Variants in ARHGAP19 observed in about 807,000 individuals in gnomAD.
ARHGAP19 encodes rho GTPase-activating protein 19.
Under a neutral mutation model 60.9 loss-of-function variants are expected in ARHGAP19, and 48 were observed. That is an observed-to-expected ratio of 0.79 (90% CI 0.62 to 1.00). The LOEUF (loss-of-function observed/expected upper bound fraction) is 1.00. Ranked by LOEUF, ARHGAP19 falls within the 50% of genes least tolerant of loss-of-function variation. The probability of loss-of-function intolerance (pLI) is 0.00; values close to 1 mark genes in which losing one functional copy is unlikely to be tolerated. For synonymous variants in ARHGAP19, 209 were observed against 215.5 expected, an observed-to-expected ratio of 0.97 and a Z score of 0.27; for missense variants, 562 against 597.2, an observed-to-expected ratio of 0.94 and a Z score of 0.61.
At position 97,259,387 on chromosome 10, in the gene ARHGAP19, C is replaced by T. The variant is rs3740522; in HGVS notation, c.840+15G>A. The T allele has an allele frequency of 0.58, 926,109 of 1,597,670 alleles. 274,814 individuals carry two copies. Among genetic ancestry groups the T allele is most frequent in the East Asian group, 0.7 (31,458 of 44,808 alleles). ...AGAAAACCAAGCAATCTTTACTCTT[C>T]CCGTCAACACTCACATTTTTTGGCC... On this transcript the variant is annotated intron_variant, in intron 5 of 11. Transcript: ENST00000358531.
rs1842439942 is a variant in ARHGAP19, at chr10:97,239,550, GGGTGTGTGTGTGTGTGTGTGT to G, written c.1186-4256_1186-4236del. Among the ~76,000 whole-genome samples, 99 of 115,010 alleles carry G rather than the reference GGGTGTGTGTGTGTGTGTGTGT, an allele frequency of 8.6e-4. 1 individual carries two copies. Among genetic ancestry groups the G allele is most frequent in the Middle Eastern group, 8.7e-3 (2 of 230 alleles). The allele number at this position is 115,010 out of a possible 152,430, so 75.5% of individuals were successfully genotyped here. A position where few individuals can be genotyped will look rare whatever the true frequency, so the allele number is the denominator to read the frequency against. On this transcript the variant is annotated intron_variant, in intron 8 of 11. Transcript: ENST00000358531. ...AAAGGGAGTGAGAGAGAGAGAGAGAGGGTGTGTGTGTGTGTGTGTGTGTGTGTGTGTGTGTGTGTGTGTGTG... is the reference window on the plus strand; with the variant it reads ...AAAGGGAGTGAGAGAGAGAGAGAGAGGTGTGTGTGTGTGTGTGTGTGTGTG...
chr10:97,279,609 C>T (rs1008767598), intron 1 of ARHGAP19, among the ~76,000 whole-genome samples: 2 of 152,124 alleles, frequency 1.3e-5, no homozygotes, highest in African/African-American at 4.8e-5. Context: ...TCCCCCACCT[C>T]GTCCTCCCAA....
intron 8 of ARHGAP19, among the ~76,000 whole-genome samples, chr10:97,240,217 G>A (rs1050578680): frequency 1.3e-5 from 2 of 151,700 alleles, no homozygotes; most frequent in Non-Finnish European, 2.9e-5. Flanking sequence ...ATGCATATTC[G>A]TTTATCATGC....
At chr10:97,227,976 C>T (rs1208316863) in intron 11 of ARHGAP19, among the ~76,000 whole-genome samples, 1 of 152,112 alleles carries the variant, frequency 6.6e-6, no homozygotes, top group African/African-American at 2.4e-5. Flanking sequence ...GTAACTGATA[C>T]AAAACAATGT....
Position 97,264,849 on chromosome 10 carries a change from T to C in ARHGAP19, c.380A>G (p.Gln127Arg). ...LTEEGIAQIYQLIEYLHKNLR... is the reference protein window; with the variant it reads ...LTEEGIAQIYRLIEYLHKNLR... Reference sequence around the variant, plus strand: ...ACTTTTGTGTAGATACTCAATCAGTTGGTATATCTGGGCAATGCCTTCCTC... The same window carrying C: ...ACTTTTGTGTAGATACTCAATCAGTCGGTATATCTGGGCAATGCCTTCCTC... The change falls in exon 3 of 12, where the codon CAA becomes CGA. Residue 127 changes from glutamine (Q) to arginine (R), a missense_variant. Transcript: ENST00000358531. The C allele has an allele frequency of 6.2e-7, 1 of 1,612,800 alleles. No individual in the cohort carries two copies. The highest frequency in any genetic ancestry group is 8.5e-7 in the Non-Finnish European group (1 of 1,179,094).
In ARHGAP19 at chr10:97,263,501, T is replaced by C. The variant is rs148180144; in HGVS notation, c.532A>G (p.Thr178Ala). ...SGEFHSNDVA[T>A]LLKMFLGELP... ...TCTCCTAGAAACATCTTCAGCAAAG[T>C]GGCAACATCATTTGAGTGAAATTCC... The change falls in exon 4 of 12, where the codon ACT (threonine) becomes GCT (alanine). Residue 178 changes from threonine (T) to alanine (A), a missense_variant. Coordinates refer to ENST00000358531, the MANE Select transcript of ARHGAP19 (RefSeq NM_032900.6). 2 of 1,614,008 alleles carry C rather than the reference T, an allele frequency of 1.2e-6. No homozygotes were observed. The highest frequency in any genetic ancestry group is 2.7e-5 in the African/African-American group (2 of 74,906).
At chr10:97,263,270 T>C (rs1396053179) in intron 4 of ARHGAP19, 150 bp downstream of exon 4, 2 of 736,142 alleles carry the variant, frequency 2.7e-6, no homozygotes, top group East Asian at 2.7e-5. Context: ...CCAATACCTA[T>C]GAGTACCCAG....
rs112702378 is a variant in ARHGAP19, at chr10:97,235,394, G to A, written c.1186-79C>T. 2.1e-4 allele frequency: 265 copies of A among 1,266,082 alleles called. No individual in the cohort carries two copies. In the African/African-American group the frequency reaches 3.4e-3, roughly 16 times the overall value. 78.4% of individuals were successfully genotyped at this position (1,266,082 alleles called of 1,614,324 possible). ...ATTCTGTGACAACTAATAGCTAAGT[G>A]TAAATAAAAGTCCAGGAAAAACTGA... is the stretch of plus-strand genomic sequence containing the variant. On this transcript the variant is annotated intron_variant, in intron 8 of 11. Transcript: ENST00000358531.
intron 5 of ARHGAP19, among the ~76,000 whole-genome samples, chr10:97,259,001 G>A (rs118001009): frequency 0.042 from 6,457 of 152,174 alleles, 207 homozygotes; most frequent in Non-Finnish European, 0.061. Context: ...CCATAAGCTT[G>A]GTGACATTAT....
In ARHGAP19 at chr10:97,226,136, G is replaced by A. The variant is rs776806528; in HGVS notation, c.1475-4C>T. On this transcript the variant is annotated splice_region_variant and splice_polypyrimidine_tract_variant and intron_variant, in intron 11 of 11. Coordinates refer to ENST00000358531, the MANE Select transcript of ARHGAP19 (RefSeq NM_032900.6). ...CTCTGGATCCTTCAGAGAAATCCTAGGTTGAAGGAAAAACAAGAGCGTTAG... is the reference window on the plus strand; with the variant it reads ...CTCTGGATCCTTCAGAGAAATCCTAAGTTGAAGGAAAAACAAGAGCGTTAG... 1.9e-6 allele frequency: 3 copies of A among 1,613,602 alleles called. No homozygotes were observed. The highest frequency in any genetic ancestry group is 2.5e-6 in the Non-Finnish European group (3 of 1,179,810).
At chr10:97,268,195 A>G (rs573843026) in intron 1 of ARHGAP19, among the ~76,000 whole-genome samples, 1 of 152,238 alleles carries the variant, frequency 6.6e-6, no homozygotes, top group Admixed American at 6.5e-5. Context: ...CTCTTTGCAT[A>G]GCAAGGGTGA....
chr10:97,235,712 T>C (rs943665981), intron 8 of ARHGAP19, among the ~76,000 whole-genome samples: 1 of 152,134 alleles, frequency 6.6e-6, no homozygotes, highest in Non-Finnish European at 1.5e-5. Context: ...GCATACAGAA[T>C]TTTTTTAAGT....
In ARHGAP19 at chr10:97,223,840, T is replaced by C. The variant is rs182489327; in HGVS notation, c.*2282A>G. On this transcript the variant is annotated 3_prime_UTR_variant, in exon 12 of 12. Coordinates refer to ENST00000358531, the MANE Select transcript of ARHGAP19 (RefSeq NM_032900.6). ...TTACAAGGTAGAAGGTTATGCTGCT[T>C]ACTCCTCAAATTTGGATTCTAAGTC... 1 of 152,278 alleles carries C rather than the reference T, an allele frequency of 6.6e-6. No homozygotes were observed. The highest frequency in any genetic ancestry group is 1.9e-4 in the East Asian group (1 of 5,180). The allele number at this position is 152,278 out of a possible 1,614,324, so 9.4% of individuals were successfully genotyped here. A position where few individuals can be genotyped will look rare whatever the true frequency, so the allele number is the denominator to read the frequency against.
At chr10:97,237,027 G>A (rs1200996567) in intron 8 of ARHGAP19, among the ~76,000 whole-genome samples, 1 of 151,932 alleles carries the variant, frequency 6.6e-6, no homozygotes, top group East Asian at 1.9e-4. Context: ...CACTTTGGGA[G>A]GCCAAAGCCA....
chr10:97,251,113 GGGGAAGAGAAAGGGGAAGGGAA>G (rs1322824891), intron 6 of ARHGAP19, among the ~76,000 whole-genome samples: 1 of 138,454 alleles, frequency 7.2e-6, no homozygotes. Flanking sequence ...GGAAGGGGAA[GGGGAAGAGAAAGGGGAAGGGAA>G]GGGAAGAGAA....
At chr10:97,282,850 T>C (rs969496867) in intron 1 of ARHGAP19, among the ~76,000 whole-genome samples, 3 of 146,366 alleles carry the variant, frequency 2.0e-5, no homozygotes, top group Non-Finnish European at 4.5e-5. Context: ...TTTTTTTTTT[T>C]TTTTTTTTTG....
intron 8 of ARHGAP19, among the ~76,000 whole-genome samples, chr10:97,240,145 G>T (rs1336930825): frequency 6.6e-6 from 1 of 150,832 alleles, no homozygotes; most frequent in East Asian, 1.9e-4. Flanking sequence ...AAAGAAGAAA[G>T]GGAGAAAAAG....
intron 1 of ARHGAP19, chr10:97,270,611 T>C: frequency 6.5e-7 from 1 of 1,548,120 alleles, no homozygotes; most frequent in Non-Finnish European, 8.7e-7. Flanking sequence ...CTTACATAAG[T>C]GCTGAAAGTT....
At chr10:97,227,890 T>C (rs1850927722) in intron 11 of ARHGAP19, among the ~76,000 whole-genome samples, 1 of 152,240 alleles carries the variant, frequency 6.6e-6, no homozygotes. Flanking sequence ...CGTCTTTCTT[T>C]CTTTCCAAGG....
Sources: allele counts gnomAD v4.1 joint callset (sites outside exome capture counted in the v4.1 genomes callset), GRCh38; gene constraint gnomAD v4.1.1; transcripts MANE v1.5; gene names NCBI Gene and HGNC (gene_info 2026-07-23, HGNC 2026-07-21).